Variants in CNBD1 observed in about 807,000 individuals in gnomAD.
CNBD1 encodes cyclic nucleotide-binding domain-containing protein 1.
In CNBD1, 71 loss-of-function variants were observed where a neutral mutation model predicts 54.4. The ratio of observed to expected loss-of-function variants is 1.30; its 90% confidence interval spans 1.08 to 1.59. The LOEUF (loss-of-function observed/expected upper bound fraction) is 1.59. Ranked by LOEUF, CNBD1 falls within the 40% of genes most tolerant of loss-of-function variation. CNBD1 has a pLI of 0.00. For missense variants in CNBD1, 659 were observed against 518.0 expected (o/e 1.27, Z -2.64); for synonymous variants, 182 against 170.7 (o/e 1.07, Z -0.51).
At chr8:87,045,011 A>G (rs1810151768) in intron 4 of CNBD1, among the ~76,000 whole-genome samples, 1 of 152,098 alleles carries the variant, frequency 6.6e-6, no homozygotes, top group African/African-American at 2.4e-5. Flanking sequence ...CCACTTCAGG[A>G]TAAGAGACCC....
At chr8:87,208,790 C>A (rs1272245033) in intron 5 of CNBD1, among the ~76,000 whole-genome samples, 1 of 151,942 alleles carries the variant, frequency 6.6e-6, no homozygotes, top group East Asian at 1.9e-4. Flanking sequence ...TCTTCTATTT[C>A]TTTCACTTTA....
rs970202798 is a variant in CNBD1, at chr8:87,135,773, T to G, written c.432-70220T>G. ...TAGTGGATATAATATATATGCAATT[T>G]AAAATGATTAGCATCCTAAAACTAT... On this transcript the variant is annotated intron_variant, in intron 4 of 10. Coordinates refer to ENST00000518476, the MANE Select transcript of CNBD1 (RefSeq NM_173538.3). Among the ~76,000 whole-genome samples the G allele has an allele frequency of 1.8e-4, 27 of 151,432 alleles. No homozygotes were observed. In the Admixed American group the frequency reaches 1.8e-3, roughly 10 times the overall value.
At chr8:86,978,573 G>A (rs959156823) in intron 4 of CNBD1, among the ~76,000 whole-genome samples, 14 of 103,788 alleles carry the variant, frequency 1.3e-4, no homozygotes, top group Non-Finnish European at 1.8e-4. Flanking sequence ...GCGAAGTTTC[G>A]CTCTTGTTGC....
In CNBD1 at chr8:87,253,731, A is replaced by G. The variant is rs1340747555; in HGVS notation, c.771+16619A>G. Among the ~76,000 whole-genome samples the G allele has an allele frequency of 3.9e-5, 6 of 152,306 alleles. No individual in the cohort carries two copies. In the East Asian group the frequency reaches 7.7e-4, roughly 20 times the overall value. On this transcript the variant is annotated intron_variant, in intron 6 of 10. Coordinates refer to ENST00000518476, the MANE Select transcript of CNBD1 (RefSeq NM_173538.3). ...AGAAAATTAACCAACAGAAATGAGC[A>G]TTTAAGTGCCAAATCAAGGTAAAGA... is the stretch of plus-strand genomic sequence containing the variant.
intron 2 of CNBD1, among the ~76,000 whole-genome samples, chr8:87,392,839 A>T (rs1281879484): frequency 6.6e-6 from 1 of 151,888 alleles, no homozygotes; most frequent in Admixed American, 6.6e-5. Flanking sequence ...AGCAGTTAAT[A>T]TTTTTTCTAA....
intron 10 of CNBD1, among the ~76,000 whole-genome samples, chr8:87,380,180 A>G (rs1811045740): frequency 6.6e-6 from 1 of 152,012 alleles, no homozygotes; most frequent in African/African-American, 2.4e-5. Flanking sequence ...ATTTGTGCTA[A>G]TATTTGAATA....
chr8:87,268,861 A>G (rs1156608333), intron 6 of CNBD1, among the ~76,000 whole-genome samples: 1 of 152,072 alleles, frequency 6.6e-6, no homozygotes, highest in Admixed American at 6.6e-5. Flanking sequence ...ATTTTCTCAC[A>G]TTCTGTATGT....
rs960140111 is a variant in CNBD1, at chr8:87,099,047, A to AC, written c.432-106946_432-106945insC. The stretch of plus-strand genomic sequence containing the variant: ...AAGACTGTGTCTCAAAAAAAAAAAA[A>AC]AAAAAAAAAAAAACAAAACTCCAAA... On this transcript the variant is annotated intron_variant, in intron 4 of 10. Transcript: ENST00000518476. Among the ~76,000 whole-genome samples, 21 of 150,220 alleles carry AC rather than the reference A, an allele frequency of 1.4e-4. 1 individual carries two copies. The highest frequency in any genetic ancestry group is 2.1e-4 in the Non-Finnish European group (14 of 67,520).
intron 4 of CNBD1, among the ~76,000 whole-genome samples, chr8:87,053,319 G>A (rs1331799136): frequency 6.6e-6 from 1 of 152,218 alleles, no homozygotes; most frequent in African/African-American, 2.4e-5. Context: ...CTGCCCTGCA[G>A]TTGGTAATAA....
At chr8:87,047,895 A>G (rs1033771496) in intron 4 of CNBD1, among the ~76,000 whole-genome samples, 3 of 152,214 alleles carry the variant, frequency 2.0e-5, no homozygotes, top group African/African-American at 7.2e-5. Flanking sequence ...CTGGTAGGGT[A>G]AAGGTGGGAT....
chr8:87,126,261 A>T (rs1473834686), intron 4 of CNBD1, among the ~76,000 whole-genome samples: 2 of 152,024 alleles, frequency 1.3e-5, no homozygotes, highest in African/African-American at 4.8e-5. Flanking sequence ...AGAGCTTTCC[A>T]AAGTGGTTGT....
At chr8:87,275,472 C>T (rs1808457737) in intron 6 of CNBD1, among the ~76,000 whole-genome samples, 1 of 152,044 alleles carries the variant, frequency 6.6e-6, no homozygotes, top group South Asian at 2.1e-4. Flanking sequence ...TTGTAGTTCT[C>T]CTTGAGGAGG....
At position 86,879,788 on chromosome 8, in the gene CNBD1, C is replaced by T. The variant is rs565845056; in HGVS notation, c.89-7754C>T. Among the ~76,000 whole-genome samples, 7 of 152,040 alleles carry T rather than the reference C, an allele frequency of 4.6e-5. No individual in the cohort carries two copies. In the East Asian group the frequency reaches 7.8e-4, roughly 17 times the overall value. On this transcript the variant is annotated intron_variant, in intron 1 of 10. Transcript: ENST00000518476. ...TCGGGAGACTGAGGCAGGAGAATGA[C>T]GTTAACCCAGGAGGCGGAGGTTGCA...
At chr8:87,191,579 C>A (rs553980811) in intron 4 of CNBD1, among the ~76,000 whole-genome samples, 11 of 152,172 alleles carry the variant, frequency 7.2e-5, no homozygotes, top group Non-Finnish European at 1.3e-4. Flanking sequence ...GTTTTCATGG[C>A]ACCTGGTGTT....
downstream of CNBD1, among the ~76,000 whole-genome samples, chr8:87,387,762 G>C (rs1280538476): frequency 2.0e-5 from 3 of 152,138 alleles, no homozygotes; most frequent in Admixed American, 2.0e-4. Context: ...GGACCTAATA[G>C]ACATCTACAG....
chr8:87,410,749 G>C (rs747926555), intron 2 of CNBD1, among the ~76,000 whole-genome samples: 4 of 152,194 alleles, frequency 2.6e-5, no homozygotes, highest in Non-Finnish European at 4.4e-5. Context: ...TTTGTGAAAG[G>C]AAGAGTCAGC....
chr8:86,970,473 T>C (rs1210771972), intron 4 of CNBD1, among the ~76,000 whole-genome samples: 1 of 152,098 alleles, frequency 6.6e-6, no homozygotes, highest in Non-Finnish European at 1.5e-5. Flanking sequence ...ATTTTTATTT[T>C]AGATTTAGGG....
intron 10 of CNBD1, among the ~76,000 whole-genome samples, chr8:87,355,210 G>T (rs1329859147): frequency 6.6e-6 from 1 of 152,010 alleles, no homozygotes; most frequent in Non-Finnish European, 1.5e-5. Flanking sequence ...TAATTGTACT[G>T]GTGTTAGAAT....
chr8:86,907,604 G>T (rs1036303241), intron 3 of CNBD1, among the ~76,000 whole-genome samples: 6 of 151,638 alleles, frequency 4.0e-5, no homozygotes, highest in Non-Finnish European at 2.9e-5. Flanking sequence ...GGAGGCGGAG[G>T]TTGCAGTGAG....
Sources: allele counts gnomAD v4.1 joint callset (sites outside exome capture counted in the v4.1 genomes callset), GRCh38; gene constraint gnomAD v4.1.1; transcripts MANE v1.5; gene names NCBI Gene and HGNC (gene_info 2026-07-23, HGNC 2026-07-21).